Variants in SHANK2 observed in about 807,000 individuals in gnomAD.
SHANK2 encodes the protein SH3 and multiple ankyrin repeat domains protein 2.
A neutral mutation model predicts 133.7 loss-of-function variants in SHANK2; 43 were observed. The ratio of observed to expected loss-of-function variants is 0.32; its 90% CI spans 0.25 to 0.41. The LOEUF is 0.41. Among genes scored for constraint, SHANK2 ranks in the 10% least tolerant of loss-of-function variants. The pLI, the probability that SHANK2 is intolerant of heterozygous loss-of-function variation, is 1.00. For missense variants in SHANK2, 1,994 were observed against 2,235.8 expected (o/e 0.89, Z 2.18); for synonymous variants, 1,017 against 952.8 (o/e 1.07, Z -1.24).
In SHANK2 at chr11:71,252,385, CTCCCCGGCCCGCGCCCTGCG is replaced by C. The variant is rs1475447067; in HGVS notation, c.-113+20_-113+39del. The C allele has an allele frequency of 2.6e-5, 4 of 152,118 alleles. No individual in the cohort carries two copies. The highest frequency in any genetic ancestry group is 9.7e-5 in the African/African-American group (4 of 41,450). 9.4% of individuals were successfully genotyped at this position (152,118 alleles called of 1,614,324 possible). On this transcript the variant is annotated intron_variant, in intron 1 of 25. Transcript: ENST00000601538. The surrounding 1 kb of genome is among the most constrained non-coding windows in gnomAD (Gnocchi z 6.3). The stretch of plus-strand genomic sequence containing the variant: ...GGGTGCCCAAGGGCCACCTCCCGTC[CTCCCCGGCCCGCGCCCTGCG>C]TCCCCGGCCGCCGCCTCACCTGGCT...
intron 5 of SHANK2, 54 bp from the exon 6 acceptor site, chr11:71,110,103 GA>G (rs1452725764): frequency 7.6e-7 from 1 of 1,312,790 alleles, no homozygotes. Context: ...GTCCCAACCT[GA>G]GCAACAAAGT....
chr11:71,101,318 C>T (rs1555096614), intron 6 of SHANK2, among the ~76,000 whole-genome samples: 2 of 152,288 alleles, frequency 1.3e-5, no homozygotes, highest in African/African-American at 4.8e-5. Flanking sequence ...CACGGCACCT[C>T]GCTCCATCTA....
intron 2 of SHANK2, among the ~76,000 whole-genome samples, chr11:71,206,043 C>T (rs1225969594): frequency 3.3e-5 from 5 of 152,200 alleles, no homozygotes; most frequent in Non-Finnish European, 5.9e-5. Flanking sequence ...GTGTGCCCCG[C>T]GCCAGCCTGC....
In SHANK2 at chr11:70,851,268, T is replaced by C. The variant is rs559160585; in HGVS notation, c.1175-30586A>G. Among the ~76,000 whole-genome samples, 7 of 152,322 alleles carry C rather than the reference T, an allele frequency of 4.6e-5. No homozygotes were observed. The East Asian group carries it at 9.7e-4, about 21-fold the overall frequency. On this transcript the variant is annotated intron_variant, in intron 11 of 25. Transcript: ENST00000601538. The stretch of plus-strand genomic sequence containing the variant: ...CTGTTGTAGCTGGGGCTCCTAATTG[T>C]CCCCCACTTCCTGTTCTCCTGTCTT...
intron 11 of SHANK2, among the ~76,000 whole-genome samples, chr11:70,831,471 G>A (rs533563679): frequency 2.1e-4 from 32 of 152,162 alleles, no homozygotes; most frequent in Admixed American, 1.8e-3. Flanking sequence ...GGTGCTTCGT[G>A]AGCCAGTGAC....
At chr11:70,664,188 C>T (rs981612556) in intron 15 of SHANK2, among the ~76,000 whole-genome samples, 6 of 152,174 alleles carry the variant, frequency 3.9e-5, no homozygotes, top group Non-Finnish European at 7.4e-5. Flanking sequence ...CCTGTCTCCA[C>T]GGCCCCCCAC....
intron 12 of SHANK2, among the ~76,000 whole-genome samples, chr11:70,811,194 G>A (rs1257834199): frequency 6.6e-6 from 1 of 152,128 alleles, no homozygotes; most frequent in African/African-American, 2.4e-5. Context: ...GATGAACAAG[G>A]CTGACAGTAG....
chr11:71,078,795 G>T (rs1201938469), intron 8 of SHANK2, among the ~76,000 whole-genome samples: 1 of 152,210 alleles, frequency 6.6e-6, no homozygotes, highest in Non-Finnish European at 1.5e-5. Context: ...CCCATAATTT[G>T]CATGTAATTA....
intron 2 of SHANK2, among the ~76,000 whole-genome samples, chr11:71,181,128 G>A (rs1953547320): frequency 6.6e-6 from 1 of 152,098 alleles, no homozygotes; most frequent in Admixed American, 6.5e-5. Context: ...GAGGTCTGGA[G>A]AAGCCGACCA....
intron 17 of SHANK2, chr11:70,635,227 G>A (rs1366945664): frequency 2.6e-5 from 4 of 152,186 alleles, no homozygotes; most frequent in Admixed American, 2.0e-4. Flanking sequence ...CATTGACAGC[G>A]GGGTCTTGAA....
At chr11:70,821,117 A>G (rs1201575669) in intron 11 of SHANK2, among the ~76,000 whole-genome samples, 1 of 152,152 alleles carries the variant, frequency 6.6e-6, no homozygotes, top group Non-Finnish European at 1.5e-5. Flanking sequence ...TGTGTCCCCC[A>G]AGTTCGTGTG....
chr11:71,066,145 GGGTGGGGGGGGTGCAGAA>G (rs1951057315), intron 9 of SHANK2, among the ~76,000 whole-genome samples: 15 of 30,938 alleles, frequency 4.8e-4, no homozygotes, highest in Admixed American at 7.0e-4. Flanking sequence ...TGGGGAAGTT[GGGTGGGGGGGGTGCAGAA>G]CTCTCCTGGG....
At chr11:70,640,028 C>T (rs1232314272) in intron 17 of SHANK2, among the ~76,000 whole-genome samples, 1 of 152,210 alleles carries the variant, frequency 6.6e-6, no homozygotes, top group African/African-American at 2.4e-5. Flanking sequence ...CTGGAGGCTG[C>T]AGAACGTGCA....
chr11:70,926,406 T>G (rs1950428444), intron 10 of SHANK2, among the ~76,000 whole-genome samples: 1 of 152,128 alleles, frequency 6.6e-6, no homozygotes, highest in Non-Finnish European at 1.5e-5. Flanking sequence ...CTGGCCTGGG[T>G]GACAGAGCAA....
At chr11:70,868,076 CAGTA>C (rs1949398024) in intron 11 of SHANK2, among the ~76,000 whole-genome samples, 1 of 152,254 alleles carries the variant, frequency 6.6e-6, no homozygotes, top group African/African-American at 2.4e-5. Context: ...CCGGCGCTGG[CAGTA>C]AGTGTCTAAA....
chr11:70,775,994 AG>A (rs1947357603), intron 14 of SHANK2, among the ~76,000 whole-genome samples: 1 of 152,222 alleles, frequency 6.6e-6, no homozygotes, highest in Admixed American at 6.5e-5. Flanking sequence ...CAGCGGGGGC[AG>A]GGGTGGCCTT....
At chr11:70,841,706 C>G (rs781821029) in intron 11 of SHANK2, among the ~76,000 whole-genome samples, 1 of 152,194 alleles carries the variant, frequency 6.6e-6, no homozygotes, top group South Asian at 2.1e-4. Context: ...ACTGCAGAAT[C>G]GGGGTGAGTC....
chr11:70,841,954 G>A (rs979095859), intron 11 of SHANK2, among the ~76,000 whole-genome samples: 1 of 152,066 alleles, frequency 6.6e-6, no homozygotes, highest in Non-Finnish European at 1.5e-5. Context: ...CTTTACACAC[G>A]GTCCTTGTGC....
chr11:70,914,373 G>C (rs532910290), intron 10 of SHANK2, among the ~76,000 whole-genome samples: 29 of 151,934 alleles, frequency 1.9e-4, no homozygotes, highest in Admixed American at 9.8e-4. Context: ...CCTCAAACCA[G>C]GGGCTAGAAA....
Sources: allele counts gnomAD v4.1 joint callset (sites outside exome capture counted in the v4.1 genomes callset), GRCh38; gene constraint gnomAD v4.1.1; non-coding constraint Gnocchi (gnomAD v3.1); transcripts MANE v1.5; gene names NCBI Gene and HGNC (gene_info 2026-07-23, HGNC 2026-07-21).